NECTIN3: variants seen among roughly 807,000 people sequenced by gnomAD.
The protein encoded by NECTIN3 is nectin-3.
NECTIN3 carries 8 observed loss-of-function variants against 49.4 expected under a neutral mutation model. The ratio of observed to expected loss-of-function variants is 0.16; its 90% CI spans 0.10 to 0.29. NECTIN3 has a LOEUF of 0.29. Ranked by LOEUF, NECTIN3 falls within the 10% of genes least tolerant of loss-of-function variation. The probability of loss-of-function intolerance (pLI) is 1.00; values close to 1 mark genes in which losing one functional copy is unlikely to be tolerated. For missense variants in NECTIN3, 581 were observed against 654.6 expected, an observed-to-expected ratio of 0.89 and a Z score of 1.23; for synonymous variants, 277 against 241.1, an observed-to-expected ratio of 1.15 and a Z score of -1.38.
At chr3:111,186,403 T>C (rs920868970) in intron 7 of NECTIN3, among the ~76,000 whole-genome samples, 2 of 152,034 alleles carry the variant, frequency 1.3e-5, no homozygotes, top group Non-Finnish European at 2.9e-5. Context: ...AAAATAAAGC[T>C]GTACAGCTAA....
At chr3:111,152,716 A>G (rs2035024637) in intron 7 of NECTIN3, among the ~76,000 whole-genome samples, 1 of 151,916 alleles carries the variant, frequency 6.6e-6, no homozygotes, top group Non-Finnish European at 1.5e-5. Context: ...TTTATGTTAT[A>G]AGAAGATTTA....
At chr3:111,091,141 A>G (rs2107391738) in intron 1 of NECTIN3, among the ~76,000 whole-genome samples, 1 of 152,198 alleles carries the variant, frequency 6.6e-6, no homozygotes, top group African/African-American at 2.4e-5. Context: ...ATTTTACCTC[A>G]CTGCTCCTAA....
intron 5 of NECTIN3, among the ~76,000 whole-genome samples, chr3:111,129,395 C>T (rs1185986146): frequency 1.3e-5 from 2 of 151,956 alleles, no homozygotes; most frequent in South Asian, 4.1e-4. Flanking sequence ...ACCCTCAGAA[C>T]GTAAGTCTAA....
At chr3:111,072,820 C>T (rs1176158530) in intron 1 of NECTIN3, 1 of 423,940 alleles carries the variant, frequency 2.4e-6, no homozygotes, top group Non-Finnish European at 4.2e-6. Context: ...CTTATTTTAC[C>T]AAACCGCAGG....
chr3:111,115,167 A>T (rs1031331262), intron 2 of NECTIN3, among the ~76,000 whole-genome samples: 1 of 152,238 alleles, frequency 6.6e-6, no homozygotes, highest in Admixed American at 6.5e-5. Context: ...GTCTCCAGAC[A>T]CTGCCAAGTG....
rs766152368 is a variant in NECTIN3 at position 111,133,807 on chromosome 3, C to T, written c.1242C>T (p.Leu414=). The stretch of plus-strand genomic sequence containing the variant: ...TTGCTAGTGTAGTGGGTGGGGCTCT[C>T]TTCATAGTACTTGTAAGTGTTTTGG... ...TIIASVVGGA[L]FIVLVSVLAG... Residue 414 remains leucine, a synonymous_variant, in exon 6 of 6, where the codon CTC becomes CTT. Transcript: ENST00000485303. 1.9e-6 allele frequency: 3 copies of T among 1,613,808 alleles called. No homozygotes were observed. In the African/African-American group the frequency reaches 4.0e-5, roughly 22 times the overall value.
intron 7 of NECTIN3, among the ~76,000 whole-genome samples, chr3:111,153,981 A>G (rs962762271): frequency 6.6e-6 from 1 of 152,198 alleles, no homozygotes; most frequent in Non-Finnish European, 1.5e-5. Flanking sequence ...TTTTTTAAGA[A>G]GAGCTTTATT....
intron 1 of NECTIN3, among the ~76,000 whole-genome samples, chr3:111,110,408 C>T (rs1265083141): frequency 1.3e-5 from 2 of 151,962 alleles, no homozygotes; most frequent in African/African-American, 4.8e-5. Context: ...TTTTTAACAT[C>T]GAATAAGAAA....
intron 1 of NECTIN3, among the ~76,000 whole-genome samples, chr3:111,083,640 A>G (rs185620441): frequency 6.6e-6 from 1 of 152,352 alleles, no homozygotes; most frequent in Non-Finnish European, 1.5e-5. Context: ...AAGCAGCCCA[A>G]GCCGAGACAT....
intron 1 of NECTIN3, chr3:111,073,477 A>G (rs2030950021): frequency 6.6e-6 from 1 of 152,288 alleles, no homozygotes. Flanking sequence ...TCTGATTTAC[A>G]CAGAGTATAG....
intron 7 of NECTIN3, among the ~76,000 whole-genome samples, chr3:111,160,647 A>T (rs1416520894): frequency 6.6e-6 from 1 of 152,174 alleles, no homozygotes; most frequent in Non-Finnish European, 1.5e-5. Flanking sequence ...AGTGATGATC[A>T]TATATTTTCC....
intron 1 of NECTIN3, among the ~76,000 whole-genome samples, chr3:111,076,773 G>C (rs1559761825): frequency 1.3e-5 from 2 of 152,118 alleles, no homozygotes; most frequent in Non-Finnish European, 2.9e-5. Flanking sequence ...TCAGGAGTTT[G>C]AGTCCAGCCT....
intron 4 of NECTIN3, among the ~76,000 whole-genome samples, chr3:111,123,305 A>G (rs1385447922): frequency 6.6e-6 from 1 of 151,946 alleles, no homozygotes. Flanking sequence ...TCTACATACT[A>G]TCTCTTTTCC....
At chr3:111,171,690 C>T (rs2035435481) in intron 7 of NECTIN3, among the ~76,000 whole-genome samples, 1 of 150,984 alleles carries the variant, frequency 6.6e-6, no homozygotes, top group South Asian at 2.1e-4. Flanking sequence ...CCCTACTGCA[C>T]ATGTGGGTGG....
intron 7 of NECTIN3, among the ~76,000 whole-genome samples, chr3:111,152,827 A>G (rs556817966): frequency 2.0e-5 from 3 of 152,078 alleles, no homozygotes; most frequent in African/African-American, 7.2e-5. Context: ...TTCAGTTACA[A>G]TCAGGCCATA....
chr3:111,075,956 C>G (rs1292623725), intron 1 of NECTIN3, among the ~76,000 whole-genome samples: 1 of 152,034 alleles, frequency 6.6e-6, no homozygotes, highest in African/African-American at 2.4e-5. Flanking sequence ...GTACATATTG[C>G]CTGCATGAGT....
chr3:111,122,165 G>A lies in NECTIN3; in HGVS notation c.844G>A (p.Val282Ile), dbSNP rs1373736360. Reference sequence around the variant, plus strand: ...AACAGGATATGATGGAAATTGGTTTGTAGGAAGAAAAGGTGTTAATCTCAA... The same window carrying A: ...AACAGGATATGATGGAAATTGGTTTATAGGAAGAAAAGGTGTTAATCTCAA... ...SVTGYDGNWFVGRKGVNLKCN... is the reference protein window; with the variant it reads ...SVTGYDGNWFIGRKGVNLKCN... Residue 282 changes from valine to isoleucine, a missense_variant, in exon 4 of 6, where the codon GTA becomes ATA. By Grantham distance (29) the Val-to-Ile change is conservative. Transcript: ENST00000485303. 2.5e-6 allele frequency: 4 copies of A among 1,613,388 alleles called. No homozygotes were observed. The highest frequency in any genetic ancestry group is 3.4e-6 in the Non-Finnish European group (4 of 1,179,628).
chr3:111,133,503 A>G, intron 5 of NECTIN3, 132 bp from the exon 6 acceptor site: 1 of 1,295,558 alleles, frequency 7.7e-7, no homozygotes, highest in Non-Finnish European at 1.0e-6. Flanking sequence ...TAATCAAATT[A>G]AGAATGAAAA....
At chr3:111,140,975 T>A (rs755605789), downstream of NECTIN3, among the ~76,000 whole-genome samples, 2 of 151,990 alleles carry the variant, frequency 1.3e-5, no homozygotes, top group South Asian at 2.1e-4. Context: ...CATGGATTCT[T>A]TCACTCTACT....
Sources: gnomAD v4.1 joint callset for allele counts (sites outside exome capture counted in the v4.1 genomes callset) on GRCh38, gnomAD v4.1.1 for gene constraint, MANE v1.5 for transcripts, NCBI Gene and HGNC (gene_info 2026-07-23, HGNC 2026-07-21) for gene names.